CNTN5: variants seen among roughly 807,000 people sequenced by gnomAD.
The protein encoded by CNTN5 is contactin-5.
In CNTN5, 77 loss-of-function variants were observed where a neutral mutation model predicts 129.1. The observed-to-expected ratio is 0.60, with a 90% CI of 0.50 to 0.72. The LOEUF (loss-of-function observed/expected upper bound fraction) is 0.72. Among genes scored for constraint, CNTN5 ranks in the 30% least tolerant of loss-of-function variants. The pLI is 0.00. For missense variants in CNTN5, 1,478 were observed against 1,328.8 expected, an observed-to-expected ratio of 1.11 and a Z score of -1.75; for synonymous variants, 509 against 465.6, an observed-to-expected ratio of 1.09 and a Z score of -1.20.
chr11:99,415,629 C>T (rs1338840806), intron 2 of CNTN5, among the ~76,000 whole-genome samples: 1 of 152,102 alleles, frequency 6.6e-6, no homozygotes, highest in Admixed American at 6.6e-5. Flanking sequence ...CTAGTTGTTT[C>T]TATGGCTAGC....
chr11:100,090,694 G>A (rs1483078218), intron 13 of CNTN5, among the ~76,000 whole-genome samples: 3 of 151,720 alleles, frequency 2.0e-5, no homozygotes, highest in Non-Finnish European at 4.4e-5. Flanking sequence ...TTCACAGACA[G>A]TGCCATTTCA....
chr11:100,277,028 G>C (rs111448753), intron 18 of CNTN5, among the ~76,000 whole-genome samples: 2,529 of 151,648 alleles, frequency 0.017, 79 homozygotes, highest in African/African-American at 0.058. Flanking sequence ...ACATGAGTTC[G>C]ATTGTTTTAA....
In CNTN5 at chr11:99,990,451, T is replaced by TACACACACACACACAC. The variant is rs200252748; in HGVS notation, c.878-11582_878-11581insCACACACACACACACA. Among the ~76,000 whole-genome samples the TACACACACACACACAC allele has an allele frequency of 2.8e-4, 28 of 99,536 alleles. No homozygotes were observed. The East Asian group carries it at 4.2e-3, about 15-fold the overall frequency. The allele number at this position is 99,536 out of a possible 152,430, so 65.3% of individuals were successfully genotyped here. A position where few individuals can be genotyped will look rare whatever the true frequency, so the allele number is the denominator to read the frequency against. ...GCTTCCCTTATTTTTAGAATATATATATATACACACACACACACACACACA... is the reference window on the plus strand; with the variant it reads ...GCTTCCCTTATTTTTAGAATATATATACACACACACACACACATATACACACACACACACACACACA... On this transcript the variant is annotated intron_variant, in intron 8 of 24. Transcript: ENST00000524871.
chr11:100,094,949 G>T (rs764607971), intron 13 of CNTN5, among the ~76,000 whole-genome samples: 65 of 152,058 alleles, frequency 4.3e-4, no homozygotes, highest in Middle Eastern at 6.3e-3. Flanking sequence ...ACTTCACATA[G>T]AAATTATTAT....
At chr11:99,578,543 T>C (rs1416289960) in intron 3 of CNTN5, among the ~76,000 whole-genome samples, 1 of 151,108 alleles carries the variant, frequency 6.6e-6, no homozygotes, top group African/African-American at 2.4e-5. Context: ...AGATGGTATC[T>C]CACTGTGGTT....
rs556902554 is a variant in CNTN5 at position 99,119,302 on chromosome 11, C to T, written c.-210+98032C>T. Among the ~76,000 whole-genome samples the T allele has an allele frequency of 4.6e-5, 7 of 152,224 alleles. No homozygotes were observed. The East Asian group carries it at 1.4e-3, about 29-fold the overall frequency. On this transcript the variant is annotated intron_variant, in intron 1 of 24. Coordinates refer to ENST00000524871, the MANE Select transcript of CNTN5 (RefSeq NM_014361.4). ...TGATTCTCTCCATCCTTCCACCCTC[C>T]ACCTTCAAGTAGGCCACAGTGTCTG...
chr11:99,807,643 T>C (rs1191716477), intron 3 of CNTN5, among the ~76,000 whole-genome samples: 1 of 152,070 alleles, frequency 6.6e-6, no homozygotes, highest in Non-Finnish European at 1.5e-5. Flanking sequence ...GCCTCCTAAA[T>C]AGCTGGTATT....
chr11:99,675,412 G>C (rs967152960), intron 3 of CNTN5, among the ~76,000 whole-genome samples: 5 of 152,282 alleles, frequency 3.3e-5, no homozygotes, highest in Admixed American at 2.0e-4. Context: ...GCTGGGTGCG[G>C]TGGCTCACAC....
chr11:100,031,933 GA>G (rs1266556838), intron 9 of CNTN5, among the ~76,000 whole-genome samples: 2 of 151,160 alleles, frequency 1.3e-5, no homozygotes, highest in African/African-American at 4.9e-5. Context: ...CACGGGACCA[GA>G]AGGTGGTGAC....
chr11:99,309,820 T>A (rs9633955), intron 1 of CNTN5, among the ~76,000 whole-genome samples: 26,445 of 152,056 alleles, frequency 0.17, 2,644 homozygotes, highest in Non-Finnish European at 0.22. Flanking sequence ...AAGTTTTTTT[T>A]AAAAATTTAA....
At chr11:99,642,123 A>T (rs1264460527) in intron 3 of CNTN5, among the ~76,000 whole-genome samples, 1 of 152,190 alleles carries the variant, frequency 6.6e-6, no homozygotes, top group Non-Finnish European at 1.5e-5. Context: ...AAAGAGTGCC[A>T]GTCTTGAGTA....
At chr11:99,221,380 T>C (rs1860389648) in intron 1 of CNTN5, among the ~76,000 whole-genome samples, 1 of 151,918 alleles carries the variant, frequency 6.6e-6, no homozygotes, top group African/African-American at 2.4e-5. Context: ...TCCTATACTT[T>C]AGCTTACTAC....
At chr11:99,937,096 C>T (rs1591447927) in intron 7 of CNTN5, among the ~76,000 whole-genome samples, 2 of 152,312 alleles carry the variant, frequency 1.3e-5, no homozygotes, top group East Asian at 3.9e-4. Context: ...TGAGCTAGAT[C>T]TATGATCTTT....
intron 6 of CNTN5, among the ~76,000 whole-genome samples, chr11:99,883,750 C>T (rs1391085896): frequency 6.6e-6 from 1 of 152,158 alleles, no homozygotes; most frequent in Non-Finnish European, 1.5e-5. Flanking sequence ...TATCTTCTAT[C>T]TGTTGAATTA....
chr11:99,597,918 T>A (rs1950174525), intron 3 of CNTN5, among the ~76,000 whole-genome samples: 1 of 152,250 alleles, frequency 6.6e-6, no homozygotes, highest in South Asian at 2.1e-4. Flanking sequence ...CTTGGGTGTG[T>A]GGGAAGCCCA....
At chr11:99,463,204 C>T (rs555586272) in intron 2 of CNTN5, among the ~76,000 whole-genome samples, 4 of 150,562 alleles carry the variant, frequency 2.7e-5, no homozygotes, top group Non-Finnish European at 4.4e-5. Flanking sequence ...TTTGGGAGGC[C>T]GAGGCGGGTA....
At chr11:99,633,684 T>A (rs1951446514) in intron 3 of CNTN5, among the ~76,000 whole-genome samples, 1 of 152,186 alleles carries the variant, frequency 6.6e-6, no homozygotes, top group African/African-American at 2.4e-5. Context: ...CCCTCGGTGC[T>A]ATAAAGCCAC....
chr11:99,925,937 T>G (rs1367035825), intron 7 of CNTN5, among the ~76,000 whole-genome samples: 1 of 152,116 alleles, frequency 6.6e-6, no homozygotes, highest in African/African-American at 2.4e-5. Flanking sequence ...CACCTGGGAT[T>G]TGGTCTCAGA....
Position 99,790,187 on chromosome 11 carries a change from T to C in CNTN5, c.56-29357T>C, listed in dbSNP as rs148295817. On this transcript the variant is annotated intron_variant, in intron 3 of 24. Coordinates refer to ENST00000524871, the MANE Select transcript of CNTN5 (RefSeq NM_014361.4). ...ATGTGCCACATTTTCTTTTTTAAAA[T>C]TTTTATTTTAGGTTCAGGGGTACAT... 5.3e-3 allele frequency among the ~76,000 whole-genome samples: 807 copies of C among 152,110 alleles called. 6 individuals are homozygous for C. Among genetic ancestry groups the C allele is most frequent in the African/African-American group, 0.018 (768 of 41,524 alleles).
Sources: allele counts gnomAD v4.1 joint callset (sites outside exome capture counted in the v4.1 genomes callset), GRCh38; gene constraint gnomAD v4.1.1; transcripts MANE v1.5; gene names NCBI Gene and HGNC (gene_info 2026-07-23, HGNC 2026-07-21).